NADSYN1: variants seen among roughly 807,000 people sequenced by gnomAD.
NADSYN1 encodes the protein glutamine-dependent NAD(+) synthetase.
NADSYN1 carries 80 observed loss-of-function variants against 99.3 expected under a neutral mutation model. The ratio of observed to expected loss-of-function variants is 0.81; its 90% CI spans 0.67 to 0.97. The LOEUF (loss-of-function observed/expected upper bound fraction) is 0.97, where lower values mean the gene tolerates loss of function less well. Ranked by LOEUF, NADSYN1 falls within the 50% of genes least tolerant of loss-of-function variation. The pLI is 0.00. For missense variants in NADSYN1, 859 were observed against 948.5 expected (o/e 0.91, Z 1.24); for synonymous variants, 385 against 372.1 (o/e 1.03, Z -0.40).
Position 71,484,391 on chromosome 11 carries a change from C to G in NADSYN1, c.1399C>G (p.Leu467Val). Residue 467 changes from leucine (L) to valine (V), a missense_variant, in exon 15 of 21, where the codon CTG becomes GTG. Coordinates refer to ENST00000319023, the MANE Select transcript of NADSYN1 (RefSeq NM_018161.5). ...IFSLVTGKSP[L>V]FAAHGGSSRE... ...CAGCCTGGTGACGGGGAAGAGCCCT[C>G]TGTTTGCAGCTCATGGAGGAAGCAG... 1 of 1,614,222 alleles carries G rather than the reference C, an allele frequency of 6.2e-7. No homozygotes were observed.
At chr11:71,457,199 C>T (rs983268220) in intron 2 of NADSYN1, among the ~76,000 whole-genome samples, 7 of 152,252 alleles carry the variant, frequency 4.6e-5, no homozygotes, top group Non-Finnish European at 7.3e-5. Flanking sequence ...GAAACGGATC[C>T]GTTGGAGGAG....
At position 71,497,480 on chromosome 11, in the gene NADSYN1, C is replaced by T; in HGVS notation, c.1765-3C>T. 1 of 1,614,046 alleles carries T rather than the reference C, an allele frequency of 6.2e-7. No individual in the cohort carries two copies. Among genetic ancestry groups the T allele is most frequent in the Non-Finnish European group, 8.5e-7 (1 of 1,180,004 alleles). On this transcript the variant is annotated splice_polypyrimidine_tract_variant and splice_region_variant and intron_variant, in intron 18 of 20. Coordinates refer to ENST00000319023, the MANE Select transcript of NADSYN1 (RefSeq NM_018161.5). ...TCATGGAACAGATTTTTGTTGTGCA[C>T]AGGAAGATATGGGGATGACATATGC...
rs368933620 is a variant in NADSYN1, at chr11:71,455,195, G to A, written c.146+25G>A. ...GGTGAGAACAGACACAGACACCCTG[G>A]GGTCGTCAGCTAGCGATACCAGCAT... On this transcript the variant is annotated intron_variant, in intron 2 of 20. Coordinates refer to ENST00000319023, the MANE Select transcript of NADSYN1 (RefSeq NM_018161.5). 6.2e-6 allele frequency: 10 copies of A among 1,602,008 alleles called. No homozygotes were observed. The African/African-American group carries it at 1.2e-4, about 19-fold the overall frequency.
At chr11:71,468,582 A>G (rs562216677) in intron 5 of NADSYN1, among the ~76,000 whole-genome samples, 1 of 152,364 alleles carries the variant, frequency 6.6e-6, no homozygotes, top group African/African-American at 2.4e-5. Context: ...TAAAGCATAA[A>G]TGGAAGTGAG....
chr11:71,486,914 T>C (rs2120493293), intron 16 of NADSYN1, among the ~76,000 whole-genome samples: 1 of 144,818 alleles, frequency 6.9e-6, no homozygotes, highest in Middle Eastern at 3.7e-3. Context: ...CACGCCATTC[T>C]CCTGCCTCAG....
In NADSYN1 at chr11:71,463,436, G is replaced by A. The variant is rs773291859; in HGVS notation, c.268G>A (p.Val90Ile). The stretch of plus-strand genomic sequence containing the variant: ...TACCTCCCCTCTCTCCTGCAGGCCT[G>A]TAATGCACCGAAACGTCCGCTACAA... ...QDIICDVGMP[V>I]MHRNVRYNCR... Residue 90 changes from valine (V) to isoleucine (I), a missense_variant, in exon 4 of 21, where the codon GTA becomes ATA. Coordinates refer to ENST00000319023, the MANE Select transcript of NADSYN1 (RefSeq NM_018161.5). 2 of 1,614,054 alleles carry A rather than the reference G, an allele frequency of 1.2e-6. No individual in the cohort carries two copies. The highest frequency in any genetic ancestry group is 1.7e-6 in the Non-Finnish European group (2 of 1,179,932).
chr11:71,465,893 T>G (rs533088020), intron 5 of NADSYN1, among the ~76,000 whole-genome samples: 10 of 152,228 alleles, frequency 6.6e-5, no homozygotes, highest in Non-Finnish European at 1.5e-4. Context: ...TAGTTTTTCT[T>G]TTAAGTTGAA....
At chr11:71,464,962 A>T (rs1266603201) in intron 5 of NADSYN1, among the ~76,000 whole-genome samples, 1 of 150,976 alleles carries the variant, frequency 6.6e-6, no homozygotes, top group African/African-American at 2.4e-5. Context: ...ACCCTATTCT[A>T]CCTCAGCAGT....
At chr11:71,453,609 T>TA in intron 1 of NADSYN1, among the ~76,000 whole-genome samples, 1 of 152,254 alleles carries the variant, frequency 6.6e-6, no homozygotes, top group South Asian at 2.1e-4. Flanking sequence ...CAAGGCACGG[T>TA]TAAGAAAAGT....
intron 6 of NADSYN1, 52 bp downstream of exon 6, chr11:71,472,552 G>C (rs780232143): frequency 6.6e-7 from 1 of 1,513,074 alleles, no homozygotes. Context: ...GCTGTTCTCG[G>C]CCAACAGTGG....
chr11:71,498,055 A>G (rs1373998729), intron 19 of NADSYN1, among the ~76,000 whole-genome samples: 1 of 152,226 alleles, frequency 6.6e-6, no homozygotes. Context: ...CCAGTTTCAC[A>G]GCATCAAAGG....
chr11:71,470,516 G>C (rs1027541525), intron 5 of NADSYN1, among the ~76,000 whole-genome samples: 1 of 152,144 alleles, frequency 6.6e-6, no homozygotes, highest in Non-Finnish European at 1.5e-5. Flanking sequence ...TGTGTGCCTT[G>C]GTACTCTTTT....
chr11:71,454,324 G>T (rs1024601502), intron 1 of NADSYN1, among the ~76,000 whole-genome samples: 13 of 152,172 alleles, frequency 8.5e-5, no homozygotes, highest in Non-Finnish European at 1.5e-5. Context: ...CGATTCTCCT[G>T]CCTCAGCCTC....
At chr11:71,498,582 G>T in intron 20 of NADSYN1, 54 bp downstream of exon 20, 1 of 1,582,856 alleles carries the variant, frequency 6.3e-7, no homozygotes, top group Non-Finnish European at 8.6e-7. Context: ...TAGAAGAAAC[G>T]TGAGGTTATT....
At chr11:71,483,057 A>C in intron 14 of NADSYN1, 40 bp downstream of exon 14, 1 of 1,609,368 alleles carries the variant, frequency 6.2e-7, no homozygotes, top group Non-Finnish European at 8.5e-7. Flanking sequence ...CAGGTGGCTG[A>C]CAGAGCTCAG....
At chr11:71,499,817 C>T (rs1292040657) in intron 20 of NADSYN1, 1 of 152,220 alleles carries the variant, frequency 6.6e-6, no homozygotes, top group Non-Finnish European at 1.5e-5. Flanking sequence ...GAGAGGATCA[C>T]CTGACCCCAG....
intron 16 of NADSYN1, 116 bp from the exon 17 acceptor site, chr11:71,490,729 G>A (rs1030487470): frequency 2.1e-6 from 3 of 1,454,962 alleles, no homozygotes; most frequent in African/African-American, 2.8e-5. Flanking sequence ...CGGGATGCTT[G>A]AATATGCCAC....
At chr11:71,474,624 T>C (rs1160315566) in intron 9 of NADSYN1, 98 bp downstream of exon 9, 1 of 1,515,862 alleles carries the variant, frequency 6.6e-7, no homozygotes. Context: ...TGAGGGCCCC[T>C]GTGGAGAAGC....
chr11:71,478,172 A>T (rs952287079), intron 9 of NADSYN1, among the ~76,000 whole-genome samples: 4 of 152,068 alleles, frequency 2.6e-5, no homozygotes, highest in African/African-American at 9.7e-5. Flanking sequence ...TTAGTGGGTC[A>T]CTGGCAAGTG....
Sources: allele counts gnomAD v4.1 joint callset (sites outside exome capture counted in the v4.1 genomes callset), GRCh38; gene constraint gnomAD v4.1.1; transcripts MANE v1.5; gene names NCBI Gene and HGNC (gene_info 2026-07-23, HGNC 2026-07-21).